CFAP52: variants seen among roughly 807,000 people sequenced by gnomAD.
CFAP52 encodes the protein cilia and flagella associated protein 52.
Under a neutral mutation model 70.5 loss-of-function variants are expected in CFAP52, and 57 were observed. The observed-to-expected ratio is 0.81, with a 90% confidence interval of 0.65 to 1.01. The LOEUF (loss-of-function observed/expected upper bound fraction) is 1.01. Ranked by LOEUF, CFAP52 falls within the 50% of genes least tolerant of loss-of-function variation. The pLI is 0.00. For missense variants in CFAP52, 785 were observed against 788.5 expected (o/e 1.00, Z 0.05); for synonymous variants, 267 against 292.5 (o/e 0.91, Z 0.89).
chr17:9,605,828 T>C (rs988732956), intron 6 of CFAP52, among the ~76,000 whole-genome samples: 4 of 151,534 alleles, frequency 2.6e-5, no homozygotes, highest in Admixed American at 6.6e-5. Context: ...ATGGTAAATA[T>C]ATGTTGCTAT....
chr17:9,595,402 C>T (rs1312719544), intron 4 of CFAP52, among the ~76,000 whole-genome samples: 6 of 152,044 alleles, frequency 3.9e-5, no homozygotes, highest in African/African-American at 9.7e-5. Flanking sequence ...TTATGAGGAA[C>T]GATTCATTCA....
intron 1 of CFAP52, chr17:9,584,216 A>G (rs1416571678): frequency 8.0e-6 from 10 of 1,252,294 alleles, no homozygotes; most frequent in Non-Finnish European, 1.0e-5. Flanking sequence ...TAGTGAATAA[A>G]CTACCAACTC....
chr17:9,630,317 G>C (rs1481257787), intron 9 of CFAP52, among the ~76,000 whole-genome samples: 2 of 149,712 alleles, frequency 1.3e-5, no homozygotes, highest in Non-Finnish European at 3.0e-5. Flanking sequence ...GGTGGCTCAC[G>C]CCTGTAATCC....
At chr17:9,634,689 A>G (rs60833082) in intron 10 of CFAP52, among the ~76,000 whole-genome samples, 2,413 of 151,356 alleles carry the variant, frequency 0.016, 78 homozygotes, top group African/African-American at 0.055. Flanking sequence ...GCTTGAATCC[A>G]TGAGGCAGAG....
intron 1 of CFAP52, 29 bp downstream of exon 1, chr17:9,576,794 T>G: frequency 6.2e-7 from 1 of 1,603,706 alleles, no homozygotes; most frequent in Non-Finnish European, 8.5e-7. Flanking sequence ...TTGGGCTGGC[T>G]GGTTTAGGAA....
intron 3 of CFAP52, among the ~76,000 whole-genome samples, chr17:9,592,745 T>C (rs1317031285): frequency 1.3e-5 from 2 of 152,246 alleles, no homozygotes; most frequent in African/African-American, 4.8e-5. Context: ...GCCTACTTTA[T>C]CTTCATCTAT....
At chr17:9,595,610 G>A (rs984580507) in intron 4 of CFAP52, among the ~76,000 whole-genome samples, 2 of 152,006 alleles carry the variant, frequency 1.3e-5, no homozygotes, top group African/African-American at 4.8e-5. Flanking sequence ...TGAAGTCCAT[G>A]AGCAACATTT....
chr17:9,603,839 T>A (rs1167067729), intron 6 of CFAP52, among the ~76,000 whole-genome samples: 5 of 152,032 alleles, frequency 3.3e-5, no homozygotes, highest in African/African-American at 9.7e-5. Context: ...GTATAATTTT[T>A]AAAAAAAGAA....
intron 6 of CFAP52, 120 bp from the exon 7 acceptor site, chr17:9,607,999 A>C (rs1909563899): frequency 1.4e-6 from 1 of 689,692 alleles, no homozygotes; most frequent in Non-Finnish European, 2.3e-6. Context: ...TTAATATTTA[A>C]AATTTTTTTT....
intron 4 of CFAP52, among the ~76,000 whole-genome samples, chr17:9,595,147 G>A (rs537168116): frequency 6.6e-6 from 1 of 152,170 alleles, no homozygotes; most frequent in South Asian, 2.1e-4. Context: ...GGAGTTTGAA[G>A]GGAAGGTTAA....
chr17:9,592,671 A>G (rs1398220169), intron 3 of CFAP52, among the ~76,000 whole-genome samples: 3 of 152,128 alleles, frequency 2.0e-5, no homozygotes, highest in African/African-American at 7.2e-5. Context: ...TTCAAAGTTT[A>G]TCCATTTGTG....
intron 7 of CFAP52, among the ~76,000 whole-genome samples, chr17:9,612,040 C>T (rs543931169): frequency 6.6e-6 from 1 of 152,200 alleles, no homozygotes; most frequent in Non-Finnish European, 1.5e-5. Flanking sequence ...ATTCCCTCTA[C>T]CCAAATCCTG....
chr17:9,588,032 C>T (rs1220969460), intron 3 of CFAP52, among the ~76,000 whole-genome samples: 3 of 152,204 alleles, frequency 2.0e-5, no homozygotes, highest in African/African-American at 7.2e-5. Flanking sequence ...AAGAGTTATA[C>T]AAGCTTCCCA....
intron 11 of CFAP52, among the ~76,000 whole-genome samples, chr17:9,637,361 A>T (rs1473572715): frequency 6.6e-6 from 1 of 152,184 alleles, no homozygotes; most frequent in Non-Finnish European, 1.5e-5. Flanking sequence ...TCCGTTGTGT[A>T]GCAGGAATTC....
At chr17:9,584,134 C>A in intron 1 of CFAP52, 1 of 1,161,702 alleles carries the variant, frequency 8.6e-7, no homozygotes, top group Non-Finnish European at 1.1e-6. Flanking sequence ...CTGGTCAGCC[C>A]ATTCCCAGAG....
At chr17:9,638,334 T>C (rs541091088) in intron 11 of CFAP52, among the ~76,000 whole-genome samples, 40 of 152,264 alleles carry the variant, frequency 2.6e-4, no homozygotes, top group African/African-American at 5.3e-4. Flanking sequence ...AGGGTTCTCA[T>C]TGAGTTTCGT....
rs377657255 is a variant in CFAP52 at position 9,585,596 on chromosome 17, A to G, written c.71-177A>G. 4.9e-3 allele frequency among the ~76,000 whole-genome samples: 395 copies of G among 80,922 alleles called. 2 individuals are homozygous for G. Among genetic ancestry groups the G allele is most frequent in the African/African-American group, 0.018 (360 of 19,840 alleles). 53.1% of individuals were successfully genotyped at this position (80,922 alleles called of 152,430 possible). On this transcript the variant is annotated intron_variant, in intron 1 of 13. Coordinates refer to ENST00000352665, the MANE Select transcript of CFAP52 (RefSeq NM_145054.5). The stretch of plus-strand genomic sequence containing the variant: ...TGAAGCAGGAGAATCACTTGAACCC[A>G]GGAGGTGAAGGTTGCAGTGAGCCCA...
At chr17:9,609,693 C>T (rs982349062) in intron 7 of CFAP52, among the ~76,000 whole-genome samples, 8 of 151,810 alleles carry the variant, frequency 5.3e-5, no homozygotes, top group African/African-American at 1.5e-4. Flanking sequence ...GGTGACAGAA[C>T]GAGACCTCGT....
In CFAP52 at chr17:9,643,046, G is replaced by A. The variant is rs1444014644; in HGVS notation, c.1711G>A (p.Val571Ile). ...AGGTGGAAATGACCATCTGGTCAAAGTTTGGGATTATAATGAGGGTGAAGT... is the reference window on the plus strand; with the variant it reads ...AGGTGGAAATGACCATCTGGTCAAAATTTGGGATTATAATGAGGGTGAAGT... ...VTGGNDHLVK[V>I]WDYNEGEVTH... is the part of the protein sequence containing the mutation. The change falls in exon 14 of 14, where the codon GTT becomes ATT. Residue 571 changes from valine to isoleucine, a missense_variant. By Grantham distance (29) the Val-to-Ile change is conservative. Transcript: ENST00000352665. 1 of 1,608,128 alleles carries A rather than the reference G, an allele frequency of 6.2e-7. No individual in the cohort carries two copies. Among genetic ancestry groups the A allele is most frequent in the Non-Finnish European group, 8.5e-7 (1 of 1,177,364 alleles).
Sources: allele counts gnomAD v4.1 joint callset (sites outside exome capture counted in the v4.1 genomes callset), GRCh38; gene constraint gnomAD v4.1.1; transcripts MANE v1.5; gene names NCBI Gene and HGNC (gene_info 2026-07-23, HGNC 2026-07-21).